Variants in BFSP1 observed in about 807,000 individuals in gnomAD.
The protein encoded by BFSP1 is beaded filament structural protein 1.
Under a neutral mutation model 43.9 loss-of-function variants are expected in BFSP1, and 38 were observed. That is an observed-to-expected ratio of 0.87 (90% CI 0.67 to 1.14). The LOEUF (loss-of-function observed/expected upper bound fraction) is 1.14, where lower values mean the gene tolerates loss of function less well. Ranked by LOEUF, BFSP1 falls within the 50% of genes most tolerant of loss-of-function variation. The probability of loss-of-function intolerance (pLI) is 0.00; values close to 1 mark genes in which losing one functional copy is unlikely to be tolerated. For synonymous variants in BFSP1, 352 were observed against 354.8 expected, an observed-to-expected ratio of 0.99 and a Z score of 0.09; for missense variants, 850 against 875.1, an observed-to-expected ratio of 0.97 and a Z score of 0.36.
At chr20:17,553,818 C>T (rs2023359) in intron 1 of BFSP1, among the ~76,000 whole-genome samples, 23,676 of 93,710 alleles carry the variant, frequency 0.25, 3,997 homozygotes, top group Non-Finnish European at 0.3. Flanking sequence ...CACACACACA[C>T]ACACACATAT....
intron 1 of BFSP1, among the ~76,000 whole-genome samples, chr20:17,537,568 CAA>C (rs901895418): frequency 1.4e-4 from 9 of 63,814 alleles, no homozygotes; most frequent in Admixed American, 5.3e-4. Context: ...ACTGAAGCAC[CAA>C]AAAAAAAAAA....
chr20:17,514,335 G>A (rs2034151697), intron 3 of BFSP1, among the ~76,000 whole-genome samples: 1 of 152,170 alleles, frequency 6.6e-6, no homozygotes, highest in Non-Finnish European at 1.5e-5. Flanking sequence ...GGAAGCTCCT[G>A]AATAATGTGC....
intron 1 of BFSP1, among the ~76,000 whole-genome samples, chr20:17,537,277 G>A (rs975115556): frequency 4.6e-5 from 7 of 152,094 alleles, no homozygotes; most frequent in Non-Finnish European, 7.3e-5. Context: ...CCTGGCTCCC[G>A]GATCCCTACT....
At chr20:17,497,468 A>ACACACACT (rs1568679152) in intron 6 of BFSP1, among the ~76,000 whole-genome samples, 1 of 148,172 alleles carries the variant, frequency 6.7e-6, no homozygotes, top group Non-Finnish European at 1.5e-5. Context: ...ATACACACAC[A>ACACACACT]CACGTATATA....
intron 2 of BFSP1, among the ~76,000 whole-genome samples, chr20:17,516,458 C>T (rs1414372577): frequency 6.6e-6 from 1 of 152,222 alleles, no homozygotes; most frequent in African/African-American, 2.4e-5. Context: ...GAAATTCTGA[C>T]TCTATTGTAG....
At chr20:17,501,076 A>C (rs2123462538) in intron 5 of BFSP1, among the ~76,000 whole-genome samples, 1 of 152,318 alleles carries the variant, frequency 6.6e-6, no homozygotes, top group Non-Finnish European at 1.5e-5. Flanking sequence ...CCACACTTCG[A>C]GTCACAAGGG....
rs755638885 is a variant in BFSP1, at chr20:17,494,550, C to T, written c.1522G>A (p.Gly508Ser). 6 of 1,614,048 alleles carry T rather than the reference C, an allele frequency of 3.7e-6. No homozygotes were observed. The highest frequency in any genetic ancestry group is 1.6e-4 in the Middle Eastern group (1 of 6,084). ...GACTCAGGAGAGGGCTCCACCTGGC[C>T]GTCATAAAGCACAGAGTCTTCCGCA... ...SVAEDSVLYDGQVEPSPESPK... is the reference protein window; with the variant it reads ...SVAEDSVLYDSQVEPSPESPK... The change falls in exon 8 of 8, where the codon GGC becomes AGC. Residue 508 changes from glycine to serine, a missense_variant. By Grantham distance (56) the Gly-to-Ser change is moderately conservative (BLOSUM62 0). Transcript: ENST00000377873.
chr20:17,510,171 G>T lies in BFSP1; in HGVS notation c.628-1175C>A, dbSNP rs1388475020. Reference sequence around the variant, plus strand: ...ATGCACACGAGTCCCTGCGGATCTGGCTAAGATGCAGATTCTGCCTCAGTG... The same window carrying T: ...ATGCACACGAGTCCCTGCGGATCTGTCTAAGATGCAGATTCTGCCTCAGTG... On this transcript the variant is annotated intron_variant, in intron 4 of 7. Coordinates refer to ENST00000377873, the MANE Select transcript of BFSP1 (RefSeq NM_001195.5). 2.6e-5 allele frequency among the ~76,000 whole-genome samples: 4 copies of T among 152,308 alleles called. No homozygotes were observed. In the East Asian group the frequency reaches 5.8e-4, roughly 22 times the overall value.
chr20:17,496,799 G>T, intron 7 of BFSP1, 139 bp downstream of exon 7: 2 of 768,090 alleles, frequency 2.6e-6, no homozygotes, highest in Non-Finnish European at 4.0e-6. Flanking sequence ...GCAGAGGGTG[G>T]GAAGGAGTCC....
At chr20:17,541,830 G>C (rs982314559) in intron 1 of BFSP1, among the ~76,000 whole-genome samples, 5 of 152,238 alleles carry the variant, frequency 3.3e-5, no homozygotes, top group Middle Eastern at 3.2e-3. Context: ...ACAGAGCTGT[G>C]AGTGGTCCTT....
chr20:17,530,844 G>A (rs1473825393), intron 1 of BFSP1, 109 bp downstream of exon 1: 1 of 1,213,122 alleles, frequency 8.2e-7, no homozygotes, highest in Non-Finnish European at 1.0e-6. Flanking sequence ...CGATCGACAG[G>A]GGACCAGAGA....
At position 17,510,289 on chromosome 20, in the gene BFSP1, T is replaced by C. The variant is rs528781957; in HGVS notation, c.628-1293A>G. ...AGTCAGTTTAGTGTCTGTATACTTA[T>C]GACTTAGAAGGGTCTTATTACATGG... On this transcript the variant is annotated intron_variant, in intron 4 of 7. Transcript: ENST00000377873. Among the ~76,000 whole-genome samples, 37 of 152,342 alleles carry C rather than the reference T, an allele frequency of 2.4e-4. 1 individual carries two copies. The highest frequency in any genetic ancestry group is 5.8e-4 in the East Asian group (3 of 5,182).
At position 17,529,090 on chromosome 20, in the gene BFSP1, T is replaced by TGTGTGTGTGTGTGTGA. The variant is rs577672397; in HGVS notation, c.377+1862_377+1863insTCACACACACACACAC. On this transcript the variant is annotated intron_variant, in intron 1 of 7. Coordinates refer to ENST00000377873, the MANE Select transcript of BFSP1 (RefSeq NM_001195.5). ...GTGTGTGTGTGTGTGTGTGTGTGTG[T>TGTGTGTGTGTGTGTGA]GAGACAGAGTCTCACTCTGTCACCC... Among the ~76,000 whole-genome samples, 269 of 151,598 alleles carry TGTGTGTGTGTGTGTGA rather than the reference T, an allele frequency of 1.8e-3. 2 individuals are homozygous for TGTGTGTGTGTGTGTGA. The highest frequency in any genetic ancestry group is 6.3e-3 in the African/African-American group (259 of 41,054).
chr20:17,530,944 G>A lies in BFSP1; in HGVS notation c.377+9C>T. 1 of 1,413,892 alleles carries A rather than the reference G, an allele frequency of 7.1e-7. No homozygotes were observed. 87.6% of individuals were successfully genotyped at this position (1,413,892 alleles called of 1,614,324 possible). A position where few individuals can be genotyped will look rare whatever the true frequency, so the allele number is the denominator to read the frequency against. On this transcript the variant is annotated intron_variant, in intron 1 of 7. Transcript: ENST00000377873. ...CCTGCCTCGGTTTCCCCCGATGGCC[G>A]CCGCTTACTTGCTTCGGAACTCGTC... is the stretch of plus-strand genomic sequence containing the variant.
intron 5 of BFSP1, among the ~76,000 whole-genome samples, chr20:17,500,001 C>A (rs1474964333): frequency 6.6e-6 from 1 of 150,984 alleles, no homozygotes; most frequent in East Asian, 1.9e-4. Flanking sequence ...CTTTAATGAA[C>A]AAGCATAAAT....
upstream of BFSP1, among the ~76,000 whole-genome samples, chr20:17,559,907 A>T (rs966165343): frequency 3.3e-5 from 5 of 152,180 alleles, no homozygotes; most frequent in South Asian, 1.0e-3. Flanking sequence ...CTAGAGTCAA[A>T]TACCTCACCG....
intron 1 of BFSP1, among the ~76,000 whole-genome samples, chr20:17,555,174 G>C (rs1053024263): frequency 6.7e-6 from 1 of 148,254 alleles, no homozygotes; most frequent in Non-Finnish European, 1.5e-5. Context: ...GGTGGTGCAT[G>C]CCTGTGGTCC....
At chr20:17,505,659 T>G (rs1030032295) in intron 5 of BFSP1, among the ~76,000 whole-genome samples, 1 of 152,156 alleles carries the variant, frequency 6.6e-6, no homozygotes, top group African/African-American at 2.4e-5. Context: ...CCACAAACAT[T>G]TGAAATGAGG....
At chr20:17,530,181 G>A (rs992290836) in intron 1 of BFSP1, among the ~76,000 whole-genome samples, 4 of 152,150 alleles carry the variant, frequency 2.6e-5, no homozygotes, top group Non-Finnish European at 5.9e-5. Flanking sequence ...TCCATGGACC[G>A]CACTTTGAGT....
Sources: allele counts gnomAD v4.1 joint callset (sites outside exome capture counted in the v4.1 genomes callset), GRCh38; gene constraint gnomAD v4.1.1; transcripts MANE v1.5; gene names NCBI Gene and HGNC (gene_info 2026-07-23, HGNC 2026-07-21).